ADAMTS6: variants seen among roughly 807,000 people sequenced by gnomAD.
ADAMTS6 encodes the protein ADAM metallopeptidase with thrombospondin type 1 motif 6.
Under a neutral mutation model 144.3 loss-of-function variants are expected in ADAMTS6, and 23 were observed. The observed-to-expected ratio is 0.16, with a 90% CI of 0.11 to 0.23. The LOEUF is 0.23. Ranked by LOEUF, ADAMTS6 falls within the 10% of genes least tolerant of loss-of-function variation. The pLI, the probability that ADAMTS6 is intolerant of heterozygous loss-of-function variation, is 1.00. For missense variants in ADAMTS6, 999 were observed against 1,379.6 expected, an observed-to-expected ratio of 0.72 and a Z score of 4.37; for synonymous variants, 444 against 457.5, an observed-to-expected ratio of 0.97 and a Z score of 0.38.
At chr5:65,211,158 C>G (rs1049469124) in intron 20 of ADAMTS6, among the ~76,000 whole-genome samples, 5 of 152,074 alleles carry the variant, frequency 3.3e-5, no homozygotes, top group Admixed American at 3.3e-4. Context: ...ACTTTACTTC[C>G]CTCAATCATA....
At chr5:65,477,198 A>G (rs1460819775) in intron 1 of ADAMTS6, among the ~76,000 whole-genome samples, 2 of 152,116 alleles carry the variant, frequency 1.3e-5, no homozygotes, top group Non-Finnish European at 2.9e-5. Flanking sequence ...AACAACATTC[A>G]TTTTCATTGT....
intron 24 of ADAMTS6, among the ~76,000 whole-genome samples, chr5:65,153,528 G>C (rs780576450): frequency 2.0e-5 from 3 of 152,204 alleles, no homozygotes; most frequent in Non-Finnish European, 2.9e-5. Context: ...TGGAACACAG[G>C]AAGTATGGGA....
intron 9 of ADAMTS6, among the ~76,000 whole-genome samples, chr5:65,320,963 A>G (rs2112882530): frequency 6.6e-6 from 1 of 152,208 alleles, no homozygotes; most frequent in East Asian, 1.9e-4. Flanking sequence ...ATGGCCATTT[A>G]GGTTGATTTC....
rs1760388815 is a variant in ADAMTS6 at position 65,470,952 on chromosome 5, A to G, written c.288T>C (p.Phe96=). 1 of 1,613,222 alleles carries G rather than the reference A, an allele frequency of 6.2e-7. No homozygotes were observed. Among genetic ancestry groups the G allele is most frequent in the African/African-American group, 1.3e-5 (1 of 74,872 alleles). Residue 96 remains phenylalanine (F), a synonymous_variant, in exon 3 of 25, where the codon TTT becomes TTC. Transcript: ENST00000381055. ...CTGTGTTGAGAGTCAAGTTTAGATG[A>G]AAGTGCTTGCCATAGGCTGAAAGTT... ...FFKLSAYGKH[F]HLNLTLNTDF... is the part of the protein sequence containing the mutation.
chr5:65,226,288 T>C (rs1580114662), intron 15 of ADAMTS6, 69 bp from the exon 16 acceptor site: 12 of 1,497,596 alleles, frequency 8.0e-6, no homozygotes, highest in African/African-American at 1.4e-5. Context: ...CAGTATTATC[T>C]ATGGCAAATT....
chr5:65,448,299 A>G (rs1758439952), intron 7 of ADAMTS6, among the ~76,000 whole-genome samples: 1 of 152,168 alleles, frequency 6.6e-6, no homozygotes, highest in Admixed American at 6.5e-5. Context: ...AAATAAAACA[A>G]TAAGATATAA....
At chr5:65,397,987 C>A (rs1295779151) in intron 7 of ADAMTS6, among the ~76,000 whole-genome samples, 1 of 151,492 alleles carries the variant, frequency 6.6e-6, no homozygotes, top group East Asian at 1.9e-4. Context: ...GGTTTGAGAA[C>A]AGATATTGTA....
intron 7 of ADAMTS6, among the ~76,000 whole-genome samples, chr5:65,348,544 G>A (rs558529050): frequency 6.6e-6 from 1 of 152,150 alleles, no homozygotes; most frequent in South Asian, 2.1e-4. Context: ...TAGCATACAA[G>A]GTTTCACTTA....
intron 14 of ADAMTS6, among the ~76,000 whole-genome samples, chr5:65,244,385 A>G (rs1445646355): frequency 2.6e-5 from 4 of 152,178 alleles, no homozygotes; most frequent in African/African-American, 7.2e-5. Flanking sequence ...TTAAAGGCAA[A>G]CGAAACAAAA....
intron 7 of ADAMTS6, among the ~76,000 whole-genome samples, chr5:65,345,318 A>G (rs772775536): frequency 4.0e-5 from 6 of 151,828 alleles, no homozygotes; most frequent in Non-Finnish European, 8.9e-5. Flanking sequence ...AAGAAAAAAT[A>G]AGAAAAAAAT....
chr5:65,400,938 C>T (rs942565468), intron 7 of ADAMTS6, among the ~76,000 whole-genome samples: 6 of 152,176 alleles, frequency 3.9e-5, no homozygotes, highest in African/African-American at 1.4e-4. Flanking sequence ...TTACAGTTCT[C>T]ATCTGTGCTT....
At chr5:65,280,572 G>T in intron 11 of ADAMTS6, among the ~76,000 whole-genome samples, 1 of 151,932 alleles carries the variant, frequency 6.6e-6, no homozygotes, top group African/African-American at 2.4e-5. Context: ...AATATACTAG[G>T]AAACATTCAC....
chr5:65,404,220 A>T (rs10035312), intron 7 of ADAMTS6, among the ~76,000 whole-genome samples: 92,752 of 151,880 alleles, frequency 0.61, 30,263 homozygotes, highest in African/African-American at 0.85. Flanking sequence ...TATGTATACA[A>T]ATGCCATGTT....
intron 9 of ADAMTS6, among the ~76,000 whole-genome samples, chr5:65,326,496 T>C (rs1746186761): frequency 6.6e-6 from 1 of 152,192 alleles, no homozygotes; most frequent in Non-Finnish European, 1.5e-5. Context: ...CTATTTTAAA[T>C]AGATATTATA....
At chr5:65,480,503 A>G (rs985970416) in intron 1 of ADAMTS6, among the ~76,000 whole-genome samples, 10 of 152,206 alleles carry the variant, frequency 6.6e-5, no homozygotes, top group African/African-American at 2.2e-4. Flanking sequence ...CAGCTCAAAT[A>G]AAAACAAGAG....
chr5:65,202,874 C>A (rs1755827749), intron 20 of ADAMTS6, among the ~76,000 whole-genome samples: 1 of 152,138 alleles, frequency 6.6e-6, no homozygotes, highest in Non-Finnish European at 1.5e-5. Context: ...AGTTTTCATT[C>A]TTCTTTGTAA....
intron 15 of ADAMTS6, among the ~76,000 whole-genome samples, chr5:65,230,703 A>AAT (rs1447826159): frequency 2.4e-5 from 2 of 85,104 alleles, no homozygotes; most frequent in African/African-American, 1.0e-4. Context: ...ATATGTATGA[A>AAT]ATATATATAA....
At chr5:65,377,305 G>T (rs1231960694) in intron 7 of ADAMTS6, among the ~76,000 whole-genome samples, 1 of 151,974 alleles carries the variant, frequency 6.6e-6, no homozygotes, top group Non-Finnish European at 1.5e-5. Flanking sequence ...TGCTTACTTT[G>T]TGATCCCCAT....
chr5:65,454,180 G>A (rs1246183355), intron 4 of ADAMTS6, among the ~76,000 whole-genome samples: 1 of 152,156 alleles, frequency 6.6e-6, no homozygotes, highest in African/African-American at 2.4e-5. Context: ...CTCACCAGAT[G>A]CTGGTGCCAT....
Sources: gnomAD v4.1 joint callset for allele counts (sites outside exome capture counted in the v4.1 genomes callset) on GRCh38, gnomAD v4.1.1 for gene constraint, MANE v1.5 for transcripts, NCBI Gene and HGNC (gene_info 2026-07-23, HGNC 2026-07-21) for gene names.